ITSN1: variants seen among roughly 807,000 people sequenced by gnomAD.
ITSN1 encodes the protein intersectin-1.
A neutral mutation model predicts 239.8 loss-of-function variants in ITSN1; 58 were observed. That is an observed-to-expected ratio of 0.24 (90% CI 0.20 to 0.30). The LOEUF is 0.30. Ranked by LOEUF, ITSN1 falls within the 10% of genes least tolerant of loss-of-function variation. The pLI is 1.00. For missense variants in ITSN1, 1,558 were observed against 2,103.3 expected (o/e 0.74, Z 5.07); for synonymous variants, 780 against 770.8 (o/e 1.01, Z -0.20).
rs1301775342 is a variant in ITSN1 at position 33,768,653 on chromosome 21, G to A, written c.1042+825G>A. ...TATTAAAATATTCTAAGGTGGCTAT[G>A]AATTATTAATGATGAGATGATAATG... On this transcript the variant is annotated intron_variant, in intron 11 of 39. Coordinates refer to ENST00000381318, the MANE Select transcript of ITSN1 (RefSeq NM_003024.3). Among the ~76,000 whole-genome samples, 3 of 152,292 alleles carry A rather than the reference G, an allele frequency of 2.0e-5. No homozygotes were observed. In the East Asian group the frequency reaches 5.8e-4, roughly 29 times the overall value.
intron 1 of ITSN1, among the ~76,000 whole-genome samples, chr21:33,671,791 C>CAAAT (rs376876540): frequency 1.4e-3 from 219 of 151,692 alleles, no homozygotes; most frequent in African/African-American, 2.9e-3. Flanking sequence ...GACTCCGTCT[C>CAAAT]AAATAAATAA....
chr21:33,831,734 C>T (rs2074306574), intron 27 of ITSN1, among the ~76,000 whole-genome samples: 1 of 152,130 alleles, frequency 6.6e-6, no homozygotes, highest in Non-Finnish European at 1.5e-5. Flanking sequence ...ATAAGAAACG[C>T]ATCTTGGCCA....
intron 12 of ITSN1, among the ~76,000 whole-genome samples, chr21:33,773,276 G>A (rs1267267995): frequency 6.6e-6 from 1 of 151,960 alleles, no homozygotes. Flanking sequence ...CCAAAGTGCT[G>A]GGATTACAGG....
In ITSN1 at chr21:33,890,938, A is replaced by AGAAG. The variant is rs1451660269; in HGVS notation, c.*2640_*2643dup. 6.6e-5 allele frequency: 10 copies of AGAAG among 152,448 alleles called. No homozygotes were observed. The highest frequency in any genetic ancestry group is 3.3e-4 in the Admixed American group (5 of 15,274). 9.4% of individuals were successfully genotyped at this position (152,448 alleles called of 1,614,324 possible). On this transcript the variant is annotated 3_prime_UTR_variant, in exon 40 of 40. Coordinates refer to ENST00000381318, the MANE Select transcript of ITSN1 (RefSeq NM_003024.3). The stretch of plus-strand genomic sequence containing the variant: ...GCACACTCTGATCTCCTTTAGCCCA[A>AGAAG]GAAGGGGCTGTGCTGGTCATAGGGT...
chr21:33,893,826 C>G lies in ITSN1; in HGVS notation c.*5526C>G, dbSNP rs1349626071. Reference sequence around the variant, plus strand: ...CATTTCATCAGGATCAAGTAAGATACATAACCTTATATCTGTAGGAGCCAG... The same window carrying G: ...CATTTCATCAGGATCAAGTAAGATAGATAACCTTATATCTGTAGGAGCCAG... On this transcript the variant is annotated 3_prime_UTR_variant, in exon 40 of 40. Transcript: ENST00000381318. The G allele has an allele frequency of 6.7e-6, 1 of 149,368 alleles. No homozygotes were observed. Among genetic ancestry groups the G allele is most frequent in the Non-Finnish European group, 1.5e-5 (1 of 67,536 alleles). The allele number at this position is 149,368 out of a possible 1,614,324, so 9.3% of individuals were successfully genotyped here. A position where few individuals can be genotyped will look rare whatever the true frequency, so the allele number is the denominator to read the frequency against.
At chr21:33,777,600 C>G (rs1017486763) in intron 14 of ITSN1, among the ~76,000 whole-genome samples, 2 of 152,136 alleles carry the variant, frequency 1.3e-5, no homozygotes, top group African/African-American at 4.8e-5. Flanking sequence ...ATAAATTTCT[C>G]TCAGCAATGT....
chr21:33,852,072 G>C (rs1048659109), intron 29 of ITSN1, among the ~76,000 whole-genome samples: 1 of 152,056 alleles, frequency 6.6e-6, no homozygotes, highest in Non-Finnish European at 1.5e-5. Context: ...ACAGACATAA[G>C]CCACCAAGCC....
intron 1 of ITSN1, among the ~76,000 whole-genome samples, chr21:33,717,167 G>A (rs1432818886): frequency 6.6e-6 from 1 of 151,822 alleles, no homozygotes; most frequent in African/African-American, 2.4e-5. Context: ...TTTTAAATCT[G>A]TGAGTATTTA....
intron 1 of ITSN1, among the ~76,000 whole-genome samples, chr21:33,643,027 C>G (rs1456354867): frequency 6.7e-6 from 1 of 149,042 alleles, no homozygotes; most frequent in South Asian, 2.1e-4. Flanking sequence ...GCGGCCCCGC[C>G]GCCGAGCGGG....
At position 33,856,769 on chromosome 21, in the gene ITSN1, C is replaced by A; in HGVS notation, c.3695C>A (p.Thr1232Asn). 1.2e-6 allele frequency: 2 copies of A among 1,614,064 alleles called. No homozygotes were observed. Among genetic ancestry groups the A allele is most frequent in the South Asian group, 2.2e-5 (2 of 91,080 alleles). The stretch of plus-strand genomic sequence containing the variant: ...GACTTACATCTCTTGGATATGTTGA[C>A]CCCAACTGAAAGAAAGCGACAAGGA... ...CSDLHLLDML[T>N]PTERKRQGYI... The change falls in exon 30 of 40, where the codon ACC (threonine) becomes AAC (asparagine). Residue 1232 changes from threonine to asparagine, a missense_variant. Thr to Asn is a moderately conservative substitution (Grantham distance 65, BLOSUM62 0). This residue lies in a region of ITSN1 where 576 missense variants were observed against 893.3 expected (regional missense o/e 0.64). Coordinates refer to ENST00000381318, the MANE Select transcript of ITSN1 (RefSeq NM_003024.3).
chr21:33,735,528 T>A, intron 5 of ITSN1: 1 of 292,280 alleles, frequency 3.4e-6, no homozygotes, highest in Non-Finnish European at 6.5e-6. Context: ...TGTTGCATAC[T>A]TCCTTTTGAT....
At chr21:33,799,094 C>T (rs2071782308) in intron 18 of ITSN1, among the ~76,000 whole-genome samples, 1 of 152,132 alleles carries the variant, frequency 6.6e-6, no homozygotes, top group African/African-American at 2.4e-5. Flanking sequence ...ACTTGTAGCT[C>T]TTGAGTAAAA....
intron 1 of ITSN1, among the ~76,000 whole-genome samples, chr21:33,697,475 C>T (rs1455611810): frequency 2.6e-5 from 4 of 151,344 alleles, no homozygotes; most frequent in Non-Finnish European, 4.4e-5. Flanking sequence ...ATTTTTTTTT[C>T]ATGTGACAAA....
chr21:33,846,451 T>C (rs1469477201), intron 29 of ITSN1, among the ~76,000 whole-genome samples: 2 of 152,244 alleles, frequency 1.3e-5, no homozygotes, highest in Non-Finnish European at 2.9e-5. Flanking sequence ...CCAAATCTTG[T>C]GGTTTGTTAC....
chr21:33,727,709 C>A (rs1236550988), intron 4 of ITSN1, among the ~76,000 whole-genome samples: 4 of 151,526 alleles, frequency 2.6e-5, no homozygotes, highest in Admixed American at 1.3e-4. Context: ...TGGCGTTGAA[C>A]TAAGATGACA....
chr21:33,815,172 A>C (rs1322864487), intron 22 of ITSN1, among the ~76,000 whole-genome samples: 1 of 152,196 alleles, frequency 6.6e-6, no homozygotes, highest in Non-Finnish European at 1.5e-5. Flanking sequence ...GATTGGAGCC[A>C]TTCCCATAGA....
intron 27 of ITSN1, among the ~76,000 whole-genome samples, chr21:33,830,020 G>A (rs2074200578): frequency 6.6e-6 from 1 of 152,158 alleles, no homozygotes; most frequent in African/African-American, 2.4e-5. Flanking sequence ...CATATGACGA[G>A]GGATGCCTGC....
chr21:33,752,829 A>G (rs2067649358), intron 7 of ITSN1, among the ~76,000 whole-genome samples: 1 of 152,066 alleles, frequency 6.6e-6, no homozygotes, highest in Non-Finnish European at 1.5e-5. Context: ...CTGCCTAAAA[A>G]AAAAAAAAAA....
At chr21:33,712,984 T>A (rs1308171271) in intron 1 of ITSN1, among the ~76,000 whole-genome samples, 1 of 152,040 alleles carries the variant, frequency 6.6e-6, no homozygotes, top group African/African-American at 2.4e-5. Flanking sequence ...TTCAAGCGAT[T>A]CTTGAGCCTC....
Sources: gnomAD v4.1 joint callset for allele counts (sites outside exome capture counted in the v4.1 genomes callset) on GRCh38, gnomAD v4.1.1 for gene constraint, gnomAD v4.1.1 regional missense constraint, MANE v1.5 for transcripts, NCBI Gene and HGNC (gene_info 2026-07-23, HGNC 2026-07-21) for gene names.